NMT2: variants seen among roughly 807,000 people sequenced by gnomAD.
The protein encoded by NMT2 is N-myristoyltransferase 2, also known as glycylpeptide N-tetradecanoyltransferase 2.
A neutral mutation model predicts 65.4 loss-of-function variants in NMT2; 35 were observed. The ratio of observed to expected loss-of-function variants is 0.54; its 90% CI spans 0.41 to 0.71. The LOEUF (loss-of-function observed/expected upper bound fraction) is 0.71. Ranked by LOEUF, NMT2 falls within the 30% of genes least tolerant of loss-of-function variation. NMT2 has a pLI of 0.00. For synonymous variants in NMT2, 226 were observed against 231.8 expected (o/e 0.98, Z 0.23); for missense variants, 489 against 611.3 (o/e 0.80, Z 2.11).
intron 9 of NMT2, among the ~76,000 whole-genome samples, chr10:15,118,162 G>C (rs1845805848): frequency 6.6e-6 from 1 of 152,214 alleles, no homozygotes; most frequent in Non-Finnish European, 1.5e-5. Flanking sequence ...TTAGTGAAAA[G>C]ACAGACATGG....
chr10:15,139,526 C>T (rs889358837), intron 2 of NMT2, among the ~76,000 whole-genome samples: 5 of 152,068 alleles, frequency 3.3e-5, no homozygotes, highest in African/African-American at 4.8e-5. Context: ...CCACGTTTAT[C>T]TGATGAAGCG....
intron 1 of NMT2, among the ~76,000 whole-genome samples, 164 bp from the exon 2 acceptor site, chr10:15,141,721 G>A (rs984707938): frequency 6.6e-6 from 1 of 152,280 alleles, no homozygotes; most frequent in Non-Finnish European, 1.5e-5. Context: ...GAGTGAAGAC[G>A]GTAACAGGCA....
intron 8 of NMT2, among the ~76,000 whole-genome samples, chr10:15,122,315 A>G (rs1050242343): frequency 4.6e-5 from 7 of 152,208 alleles, no homozygotes; most frequent in African/African-American, 1.2e-4. Flanking sequence ...CTGGAGCACA[A>G]TTCTCATTCA....
intron 2 of NMT2, chr10:15,138,258 G>A (rs376892041): frequency 5.6e-5 from 24 of 428,388 alleles, no homozygotes; most frequent in Admixed American, 5.1e-4. Flanking sequence ...TGATCTGCCC[G>A]CCTTGGCCTC....
intron 1 of NMT2, among the ~76,000 whole-genome samples, chr10:15,166,012 A>G (rs10906845): frequency 0.21 from 31,205 of 152,132 alleles, 3,442 homozygotes; most frequent in Middle Eastern, 0.27. Flanking sequence ...GACTCTTAGC[A>G]TTATCTATAA....
intron 3 of NMT2, among the ~76,000 whole-genome samples, chr10:15,133,886 C>A (rs965508779): frequency 6.6e-6 from 1 of 152,186 alleles, no homozygotes; most frequent in African/African-American, 2.4e-5. Context: ...CCACAGCTGG[C>A]CTATTTTGCC....
At chr10:15,126,415 C>CTGTCTTAAAAAAAAACAACA (rs1294244676) in intron 8 of NMT2, among the ~76,000 whole-genome samples, 1 of 144,230 alleles carries the variant, frequency 6.9e-6, no homozygotes, top group African/African-American at 2.6e-5. Flanking sequence ...GACAACAGAG[C>CTGTCTTAAAAAAAAACAACA]GAGCCTCCAT....
intron 11 of NMT2, 120 bp downstream of exon 11, chr10:15,109,581 AT>A (rs1319654234): frequency 1.2e-4 from 93 of 794,516 alleles, no homozygotes; most frequent in South Asian, 2.2e-4. Flanking sequence ...AAAAAAATAA[AT>A]AAATAAATAA....
intron 8 of NMT2, among the ~76,000 whole-genome samples, chr10:15,122,251 C>T (rs1845950412): frequency 1.3e-5 from 2 of 151,964 alleles, no homozygotes; most frequent in African/African-American, 4.8e-5. Flanking sequence ...TAATAGAGAA[C>T]ATTCAGAAAT....
At chr10:15,121,594 T>C (rs1158266959) in intron 8 of NMT2, among the ~76,000 whole-genome samples, 1 of 152,236 alleles carries the variant, frequency 6.6e-6, no homozygotes, top group Non-Finnish European at 1.5e-5. Flanking sequence ...CTCGAATGCC[T>C]GACCTCAGGT....
chr10:15,124,925 T>C (rs1240429665), intron 8 of NMT2, among the ~76,000 whole-genome samples: 2 of 152,230 alleles, frequency 1.3e-5, no homozygotes, highest in Admixed American at 1.3e-4. Flanking sequence ...ATCTTGACAA[T>C]CGTCCTTTTC....
At chr10:15,146,699 TC>T (rs1846976417) in intron 1 of NMT2, among the ~76,000 whole-genome samples, 1 of 152,138 alleles carries the variant, frequency 6.6e-6, no homozygotes, top group South Asian at 2.1e-4. Flanking sequence ...CTAGGGCTGG[TC>T]CATGAATGAG....
chr10:15,163,388 T>C (rs1833267431), intron 1 of NMT2, among the ~76,000 whole-genome samples: 1 of 152,250 alleles, frequency 6.6e-6, no homozygotes, highest in South Asian at 2.1e-4. Flanking sequence ...TGGCAAAGTA[T>C]GTGTCCTATA....
In NMT2 at chr10:15,106,089, G is replaced by C. The variant is rs1169384643; in HGVS notation, c.*3106C>G. Reference sequence around the variant, plus strand: ...GGCTCACTGCAACCCCGCCTCCTGGGTTCAAGCGATTCTCCTGCCTCAGCC... The same window carrying C: ...GGCTCACTGCAACCCCGCCTCCTGGCTTCAAGCGATTCTCCTGCCTCAGCC... On this transcript the variant is annotated 3_prime_UTR_variant, in exon 12 of 12. Coordinates refer to ENST00000378165, the MANE Select transcript of NMT2 (RefSeq NM_004808.3). The C allele has an allele frequency of 3.1e-6, 1 of 325,456 alleles. No homozygotes were observed. Among genetic ancestry groups the C allele is most frequent in the Non-Finnish European group, 6.0e-6 (1 of 165,476 alleles). 20.2% of individuals were successfully genotyped at this position (325,456 alleles called of 1,614,324 possible).
chr10:15,131,176 C>T (rs1466478431), intron 6 of NMT2, among the ~76,000 whole-genome samples: 2 of 152,168 alleles, frequency 1.3e-5, no homozygotes, highest in Non-Finnish European at 2.9e-5. Context: ...CACTATTCCC[C>T]ATATCTCCCT....
At chr10:15,138,004 C>CTTTTTTTT (rs374744946) in intron 2 of NMT2, among the ~76,000 whole-genome samples, 42 of 128,138 alleles carry the variant, frequency 3.3e-4, no homozygotes, top group African/African-American at 3.8e-4. Context: ...TCTTCTTCTT[C>CTTTTTTTT]TTTTTTTTTT....
At chr10:15,154,343 C>T (rs558091124) in intron 1 of NMT2, among the ~76,000 whole-genome samples, 1 of 152,106 alleles carries the variant, frequency 6.6e-6, no homozygotes, top group African/African-American at 2.4e-5. Flanking sequence ...AACCACATGA[C>T]GGGATGGCCA....
chr10:15,130,850 C>T (rs1438488910), intron 6 of NMT2, among the ~76,000 whole-genome samples: 4 of 131,538 alleles, frequency 3.0e-5, no homozygotes, highest in African/African-American at 3.0e-5. Flanking sequence ...AGTGCAATGG[C>T]GCAATCTTGG....
chr10:15,165,600 C>T (rs1833350951), intron 1 of NMT2, among the ~76,000 whole-genome samples: 1 of 152,030 alleles, frequency 6.6e-6, no homozygotes, highest in Non-Finnish European at 1.5e-5. Context: ...ACATTTAACT[C>T]TTTACACTGG....
Sources: gnomAD v4.1 joint callset for allele counts (sites outside exome capture counted in the v4.1 genomes callset) on GRCh38, gnomAD v4.1.1 for gene constraint, MANE v1.5 for transcripts, NCBI Gene and HGNC (gene_info 2026-07-23, HGNC 2026-07-21) for gene names.